DOCK5: variants seen among roughly 807,000 people sequenced by gnomAD.
DOCK5 encodes dedicator of cytokinesis 5, also known as dedicator of cytokinesis protein 5.
DOCK5 carries 142 observed loss-of-function variants against 251.8 expected under a neutral mutation model. That is an observed-to-expected ratio of 0.56 (90% CI 0.49 to 0.65). The LOEUF is 0.65. Among genes scored for constraint, DOCK5 ranks in the 30% least tolerant of loss-of-function variants. The probability of loss-of-function intolerance (pLI) is 0.00; values close to 1 mark genes in which losing one functional copy is unlikely to be tolerated. For missense variants in DOCK5, 2,111 were observed against 2,312.3 expected, an observed-to-expected ratio of 0.91 and a Z score of 1.79; for synonymous variants, 842 against 835.5, an observed-to-expected ratio of 1.01 and a Z score of -0.13.
rs936222380 is a variant in DOCK5, at chr8:25,238,986, C to T, written c.44-4688C>T. 3.3e-5 allele frequency among the ~76,000 whole-genome samples: 5 copies of T among 152,080 alleles called. 1 individual carries two copies. Among genetic ancestry groups the T allele is most frequent in the Admixed American group, 1.3e-4 (2 of 15,272 alleles). On this transcript the variant is annotated intron_variant, in intron 1 of 51. Transcript: ENST00000276440. The stretch of plus-strand genomic sequence containing the variant: ...TGTCTATGATTAAAAACCCAAACTG[C>T]GCTGGAAGGGAAAATTGTTGTGGAA...
At position 25,384,458 on chromosome 8, in the gene DOCK5, TA is replaced by T. The variant is rs1309638505; in HGVS notation, c.4131+1681del. On this transcript the variant is annotated intron_variant, in intron 40 of 51. Transcript: ENST00000276440. ...TTATTTATTTATTTATTTATTTATT[TA>T]TTTATTTTTTTTTTTTTTGAGACAG... 4.3e-3 allele frequency among the ~76,000 whole-genome samples: 167 copies of T among 38,796 alleles called. 1 individual carries two copies. Among genetic ancestry groups the T allele is most frequent in the Admixed American group, 8.6e-3 (23 of 2,662 alleles). The allele number at this position is 38,796 out of a possible 152,430, so 25.5% of individuals were successfully genotyped here. A position where few individuals can be genotyped will look rare whatever the true frequency, so the allele number is the denominator to read the frequency against.
intron 1 of DOCK5, among the ~76,000 whole-genome samples, chr8:25,195,045 C>T (rs1438095410): frequency 1.3e-5 from 2 of 151,978 alleles, no homozygotes; most frequent in African/African-American, 4.8e-5. Flanking sequence ...CATAGCCTCC[C>T]GAGTAGCTGG....
At position 25,308,834 on chromosome 8, in the gene DOCK5, G is replaced by T. The variant is rs751338953; in HGVS notation, c.1101G>T (p.Leu367Phe). Residue 367 changes from leucine to phenylalanine, a missense_variant, in exon 12 of 52, where the codon TTG becomes TTT. Around this residue, in one of 3 missense-constraint regions of DOCK5, gnomAD observed 1,717 missense variants for 1,892.4 expected, o/e 0.91. Coordinates refer to ENST00000276440, the MANE Select transcript of DOCK5 (RefSeq NM_024940.8). ...AGAGGCAGCTCATCATGTCGCCTTT[G>T]ATAACATCACACGTGATTGGGGAGA... ...IRQRQLIMSP[L>F]ITSHVIGENE... The T allele has an allele frequency of 1.9e-6, 3 of 1,613,936 alleles. No homozygotes were observed. The South Asian group carries it at 3.3e-5, about 18-fold the overall frequency.
chr8:25,277,892 G>C (rs983141377), intron 4 of DOCK5, among the ~76,000 whole-genome samples: 13 of 152,174 alleles, frequency 8.5e-5, no homozygotes, highest in Non-Finnish European at 1.8e-4. Flanking sequence ...CCTACCACCA[G>C]TTCCAATTTG....
rs754425616 is a variant in DOCK5, at chr8:25,323,957, G to T, written c.1719+6G>T. The T allele has an allele frequency of 1.9e-6, 3 of 1,602,740 alleles. No homozygotes were observed. The East Asian group carries it at 6.7e-5, about 36-fold the overall frequency. ...ACGATCTGGTGGTTTATAAGGTGGT[G>T]CTAACAGAAAATGGCTGAGAAAAAT... On this transcript the variant is annotated splice_donor_region_variant and intron_variant, in intron 17 of 51. Transcript: ENST00000276440.
At chr8:25,330,616 A>G (rs985904367) in intron 18 of DOCK5, among the ~76,000 whole-genome samples, 1 of 152,128 alleles carries the variant, frequency 6.6e-6, no homozygotes, top group African/African-American at 2.4e-5. Flanking sequence ...TACATTCTCT[A>G]TGTGGCATTG....
intron 44 of DOCK5, among the ~76,000 whole-genome samples, 193 bp from the exon 45 acceptor site, chr8:25,395,350 C>A (rs1801328022): frequency 6.6e-6 from 1 of 152,172 alleles, no homozygotes; most frequent in African/African-American, 2.4e-5. Flanking sequence ...TGGCCTGTTT[C>A]CTAATAGGCC....
chr8:25,345,436 G>C, intron 25 of DOCK5, 39 bp from the exon 26 acceptor site: 1 of 1,608,770 alleles, frequency 6.2e-7, no homozygotes, highest in Non-Finnish European at 8.5e-7. Flanking sequence ...TCAGGAGGTG[G>C]CACTGCTGTG....
At chr8:25,191,553 G>A (rs1055681779) in intron 1 of DOCK5, among the ~76,000 whole-genome samples, 2 of 152,248 alleles carry the variant, frequency 1.3e-5, no homozygotes, top group South Asian at 4.1e-4. Context: ...CCACATAGAA[G>A]CTCTTTGGTG....
At chr8:25,318,815 C>T (rs1247990347) in intron 14 of DOCK5, among the ~76,000 whole-genome samples, 2 of 151,994 alleles carry the variant, frequency 1.3e-5, no homozygotes, top group Non-Finnish European at 2.9e-5. Context: ...ACTTGACTCA[C>T]TGAGTGTCCT....
chr8:25,227,371 G>GT (rs544884111), intron 1 of DOCK5, among the ~76,000 whole-genome samples: 77 of 145,742 alleles, frequency 5.3e-4, no homozygotes, highest in South Asian at 2.2e-3. Context: ...GTCTAATTTT[G>GT]TTTTTTTTTC....
intron 37 of DOCK5, chr8:25,375,083 C>A: frequency 1.3e-6 from 1 of 793,640 alleles, no homozygotes; most frequent in Non-Finnish European, 1.6e-6. Flanking sequence ...TGTTATGAAT[C>A]CCAAGTAATT....
intron 11 of DOCK5, 76 bp downstream of exon 11, chr8:25,304,403 G>C (rs1804847303): frequency 1.5e-6 from 2 of 1,293,200 alleles, no homozygotes; most frequent in East Asian, 2.6e-5. Flanking sequence ...CACAGAAACA[G>C]GTGTTAGAAA....
intron 24 of DOCK5, 23 bp downstream of exon 24, chr8:25,341,832 G>C (rs1003668048): frequency 1.9e-6 from 3 of 1,549,170 alleles, no homozygotes; most frequent in Non-Finnish European, 2.6e-6. Flanking sequence ...ACAAAATTTT[G>C]TTCCTTAACT....
At chr8:25,318,878 G>A (rs1805343547) in intron 14 of DOCK5, among the ~76,000 whole-genome samples, 1 of 152,084 alleles carries the variant, frequency 6.6e-6, no homozygotes, top group South Asian at 2.1e-4. Context: ...ACTTGCCATG[G>A]ATGTTATAAT....
chr8:25,219,920 A>G (rs1438845432), intron 1 of DOCK5, among the ~76,000 whole-genome samples: 1 of 151,890 alleles, frequency 6.6e-6, no homozygotes, highest in African/African-American at 2.4e-5. Context: ...CATTTAAGAT[A>G]ATATTTTCTT....
chr8:25,329,269 T>C (rs1805630047), intron 18 of DOCK5, among the ~76,000 whole-genome samples: 1 of 152,206 alleles, frequency 6.6e-6, no homozygotes, highest in Non-Finnish European at 1.5e-5. Context: ...TTTATGTTAA[T>C]AAATTAAATT....
intron 21 of DOCK5, 50 bp downstream of exon 21, chr8:25,334,246 CT>C: frequency 7.0e-7 from 1 of 1,433,500 alleles, no homozygotes; most frequent in Non-Finnish European, 9.8e-7. Context: ...TGGATTTGTA[CT>C]CTTAGGACTG....
At chr8:25,270,807 C>A (rs1413928199) in intron 3 of DOCK5, 7 of 712,912 alleles carry the variant, frequency 9.8e-6, no homozygotes, top group Non-Finnish European at 1.8e-5. Flanking sequence ...GTTCCAGGAC[C>A]CCCACAATAC....
Sources: allele counts gnomAD v4.1 joint callset (sites outside exome capture counted in the v4.1 genomes callset), GRCh38; gene constraint gnomAD v4.1.1; regional missense constraint gnomAD v4.1.1; transcripts MANE v1.5; gene names NCBI Gene and HGNC (gene_info 2026-07-23, HGNC 2026-07-21).